Variants in BRME1 observed in about 807,000 individuals in gnomAD.
BRME1 encodes BRCA2 and MEILB2-associating protein 1.
Under a neutral mutation model 52.6 loss-of-function variants are expected in BRME1, and 31 were observed. That is an observed-to-expected ratio of 0.59 (90% CI 0.44 to 0.80). The LOEUF (loss-of-function observed/expected upper bound fraction) is 0.80. Among genes scored for constraint, BRME1 ranks in the 30% least tolerant of loss-of-function variants. BRME1 has a pLI of 0.00. For missense variants in BRME1, 804 were observed against 860.3 expected, an observed-to-expected ratio of 0.93 and a Z score of 0.82; for synonymous variants, 359 against 353.6, an observed-to-expected ratio of 1.02 and a Z score of -0.17.
chr19:13,890,712 C>T (rs1399821892), intron 5 of BRME1, among the ~76,000 whole-genome samples: 1 of 152,018 alleles, frequency 6.6e-6, no homozygotes, highest in Non-Finnish European at 1.5e-5. Flanking sequence ...TCAACAAATA[C>T]AAAAATTAGC....
intron 2 of BRME1, among the ~76,000 whole-genome samples, chr19:13,904,064 T>C (rs1970479757): frequency 6.6e-6 from 1 of 152,164 alleles, no homozygotes; most frequent in African/African-American, 2.4e-5. Context: ...ACTTTCACTT[T>C]TACTTTTCCT....
chr19:13,897,155 C>T (rs1599348197), intron 2 of BRME1, among the ~76,000 whole-genome samples: 1 of 151,974 alleles, frequency 6.6e-6, no homozygotes, highest in Non-Finnish European at 1.5e-5. Context: ...TCTCCTGCCT[C>T]AGCCTCCTGA....
rs1007633497 is a variant in BRME1, at chr19:13,883,480, G to C, written c.1764-80C>G. 7.5e-6 allele frequency: 8 copies of C among 1,066,372 alleles called. No individual in the cohort carries two copies. Among genetic ancestry groups the C allele is most frequent in the African/African-American group, 1.6e-5 (1 of 63,892 alleles). The allele number at this position is 1,066,372 out of a possible 1,614,324, so 66.1% of individuals were successfully genotyped here. A position where few individuals can be genotyped will look rare whatever the true frequency, so the allele number is the denominator to read the frequency against. ...CTCTCCAGTGGGAGGGGCTTCCGCA[G>C]GGCCTCGCGCCATCTTTTCCAGGTG... On this transcript the variant is annotated intron_variant, in intron 7 of 8. Transcript: ENST00000586783. The surrounding 1 kb of genome is among the most constrained non-coding windows in gnomAD (Gnocchi z 4.2).
At chr19:13,887,890 A>G (rs1969155491) in intron 6 of BRME1, among the ~76,000 whole-genome samples, 1 of 151,950 alleles carries the variant, frequency 6.6e-6, no homozygotes. Flanking sequence ...CAGCCTCCCA[A>G]GTAGCTGGGA....
At chr19:13,904,304 G>C (rs560066884) in intron 2 of BRME1, among the ~76,000 whole-genome samples, 1 of 151,988 alleles carries the variant, frequency 6.6e-6, no homozygotes, top group East Asian at 1.9e-4. Flanking sequence ...ACAGGATCTC[G>C]CTATGTTGCC....
In BRME1 at chr19:13,883,884, C is replaced by T. The variant is rs1968811066; in HGVS notation, c.1764-484G>A. 7.4e-6 allele frequency among the ~76,000 whole-genome samples: 1 copy of T among 134,380 alleles called. No individual in the cohort carries two copies. Among genetic ancestry groups the T allele is most frequent in the Admixed American group, 7.2e-5 (1 of 13,940 alleles). The allele number at this position is 134,380 out of a possible 152,430, so 88.2% of individuals were successfully genotyped here. On this transcript the variant is annotated intron_variant, in intron 7 of 8. Transcript: ENST00000586783. This position sits in a 1 kb window ranked among gnomAD's most constrained non-coding sequence, Gnocchi z 4.2. ...AAATGTCTCCTCCTGGTGGTGGCTT[C>T]CCTGATTCCTCCTTACATTTTAACC...
At chr19:13,898,218 G>C (rs1970039272) in intron 2 of BRME1, among the ~76,000 whole-genome samples, 1 of 152,202 alleles carries the variant, frequency 6.6e-6, no homozygotes, top group African/African-American at 2.4e-5. Flanking sequence ...CAGGAACCAA[G>C]GCTGGCACCC....
chr19:13,893,336 G>C, intron 3 of BRME1, 113 bp from the exon 4 acceptor site: 1 of 800,692 alleles, frequency 1.2e-6, no homozygotes, highest in South Asian at 1.6e-5. Flanking sequence ...CCAGGAGTTC[G>C]AGACCAACCT....
intron 2 of BRME1, among the ~76,000 whole-genome samples, chr19:13,901,102 A>G (rs1219293307): frequency 1.3e-5 from 2 of 151,948 alleles, no homozygotes; most frequent in African/African-American, 4.8e-5. Flanking sequence ...TCTCCCAAGT[A>G]GCCAGGACTA....
intron 2 of BRME1, among the ~76,000 whole-genome samples, chr19:13,898,390 T>G (rs1326286060): frequency 1.3e-5 from 2 of 150,654 alleles, no homozygotes; most frequent in Non-Finnish European, 3.0e-5. Context: ...GCTGAGGGGG[T>G]AGGATCACTT....
chr19:13,903,420 C>T (rs981228790), intron 2 of BRME1, among the ~76,000 whole-genome samples: 1 of 152,108 alleles, frequency 6.6e-6, no homozygotes, highest in Non-Finnish European at 1.5e-5. Context: ...CACCTGTAAT[C>T]CCAGCACTTT....
intron 7 of BRME1, among the ~76,000 whole-genome samples, chr19:13,884,434 T>C (rs1325850351): frequency 6.6e-6 from 1 of 151,852 alleles, no homozygotes. Flanking sequence ...GAGACCAGCC[T>C]GGGCAACACG....
At chr19:13,900,168 C>A (rs559213233) in intron 2 of BRME1, among the ~76,000 whole-genome samples, 1 of 152,312 alleles carries the variant, frequency 6.6e-6, no homozygotes, top group East Asian at 1.9e-4. Flanking sequence ...CTTCTCTTTC[C>A]TTCCTGTGAT....
chr19:13,886,053 G>C lies in BRME1; in HGVS notation c.1671C>G (p.Leu557=), dbSNP rs769605288. The part of the protein sequence containing the change: ...ASDFEAPPEQ[L]FPSGNKPGPC... ...GGCCCGGCTTGTTCCCCGAAGGAAAGAGCTGGAAAGAGAGCACAAGGTGTG... is the reference window on the plus strand; with the variant it reads ...GGCCCGGCTTGTTCCCCGAAGGAAACAGCTGGAAAGAGAGCACAAGGTGTG... The change falls in exon 7 of 9, where the codon CTC becomes CTG. Residue 557 remains leucine, a splice_region_variant and synonymous_variant. Transcript: ENST00000586783. 1 of 1,613,702 alleles carries C rather than the reference G, an allele frequency of 6.2e-7. No homozygotes were observed. The highest frequency in any genetic ancestry group is 8.5e-7 in the Non-Finnish European group (1 of 1,179,904).
Position 13,889,791 on chromosome 19 carries a change from C to T in BRME1, c.1065G>A (p.Glu355=). 2 of 1,612,732 alleles carry T rather than the reference C, an allele frequency of 1.2e-6. No homozygotes were observed. The highest frequency in any genetic ancestry group is 2.2e-5 in the East Asian group (1 of 44,888). The change falls in exon 6 of 9, where the codon GAG becomes GAA. Residue 355 remains glutamate (E), a synonymous_variant. Coordinates refer to ENST00000586783, the MANE Select transcript of BRME1 (RefSeq NM_001345843.2). ...DPTELEERAL[E]VAGPDGQASA... ...TGGCCTGCCCATCGGGCCCAGCCAC[C>T]TCCAGAGCCCTCTCTTCCAGCTCAG...
rs911778569 is a variant in BRME1, at chr19:13,883,964, C to CTG, written c.1764-566_1764-565dup. 3.9e-5 allele frequency among the ~76,000 whole-genome samples: 6 copies of CTG among 152,128 alleles called. No homozygotes were observed. The highest frequency in any genetic ancestry group is 1.4e-4 in the African/African-American group (6 of 41,412). ...CTCTGCCATCTGACTATCTAATCTG[C>CTG]TGTCTCTCATGTCCCCACACCCCGA... On this transcript the variant is annotated intron_variant, in intron 7 of 8. Coordinates refer to ENST00000586783, the MANE Select transcript of BRME1 (RefSeq NM_001345843.2). This position sits in a 1 kb window ranked among gnomAD's most constrained non-coding sequence, Gnocchi z 4.2.
chr19:13,892,127 T>C (rs1416939814), intron 5 of BRME1, among the ~76,000 whole-genome samples: 3 of 150,666 alleles, frequency 2.0e-5, no homozygotes, highest in Non-Finnish European at 4.4e-5. Flanking sequence ...CCCAGGCTGG[T>C]CAAGGGAAGT....
intron 7 of BRME1, among the ~76,000 whole-genome samples, chr19:13,884,127 C>A (rs548628615): frequency 3.4e-4 from 51 of 152,200 alleles, no homozygotes; most frequent in Admixed American, 1.9e-3. Context: ...ATGGCTTGAA[C>A]CCAGGAATTC....
chr19:13,883,102 ACAGGCT>A lies in BRME1; in HGVS notation c.1857-156_1857-151del. On this transcript the variant is annotated intron_variant, in intron 8 of 8. Coordinates refer to ENST00000586783, the MANE Select transcript of BRME1 (RefSeq NM_001345843.2). This position sits in a 1 kb window ranked among gnomAD's most constrained non-coding sequence, Gnocchi z 4.2. Reference sequence around the variant, plus strand: ...ATAACCAGAAAGGGCCTGTTGTAGCACAGGCTGGGCCTGTTGCAGCCTTTCTTCAGA... The same window carrying A: ...ATAACCAGAAAGGGCCTGTTGTAGCAGGGCCTGTTGCAGCCTTTCTTCAGA... 1 of 669,566 alleles carries A rather than the reference ACAGGCT, an allele frequency of 1.5e-6. No individual in the cohort carries two copies. The highest frequency in any genetic ancestry group is 2.0e-6 in the Non-Finnish European group (1 of 505,690). The allele number at this position is 669,566 out of a possible 1,614,324, so 41.5% of individuals were successfully genotyped here. A position where few individuals can be genotyped will look rare whatever the true frequency, so the allele number is the denominator to read the frequency against.
Sources: gnomAD v4.1 joint callset for allele counts (sites outside exome capture counted in the v4.1 genomes callset) on GRCh38, gnomAD v4.1.1 for gene constraint, Gnocchi (gnomAD v3.1) non-coding constraint, MANE v1.5 for transcripts, NCBI Gene and HGNC (gene_info 2026-07-23, HGNC 2026-07-21) for gene names.